Variants in PEX6 observed in about 807,000 individuals in gnomAD.
PEX6 encodes the protein peroxisomal biogenesis factor 6, also known as peroxisome biogenesis factor 6.
Under a neutral mutation model 85.6 loss-of-function variants are expected in PEX6, and 55 were observed. The observed-to-expected ratio is 0.64, with a 90% CI of 0.52 to 0.80. The LOEUF is 0.80. PEX6 is among the 30% of genes least tolerant of loss of function. PEX6 has a pLI of 0.00. For synonymous variants in PEX6, 519 were observed against 549.1 expected (o/e 0.95, Z 0.77); for missense variants, 1,099 against 1,260.3 (o/e 0.87, Z 1.94).
At chr6:42,970,033 C>T (rs1218146614) in intron 3 of PEX6, 46 bp from the exon 4 acceptor site, 2 of 1,457,160 alleles carry the variant, frequency 1.4e-6, no homozygotes, top group Admixed American at 1.7e-5. Flanking sequence ...AGTCCAAAAA[C>T]CCCCCTCCTC....
intron 3 of PEX6, among the ~76,000 whole-genome samples, chr6:42,973,717 G>T (rs914957158): frequency 2.0e-5 from 3 of 152,144 alleles, no homozygotes; most frequent in Admixed American, 6.5e-5. Flanking sequence ...ATAGCTGGGC[G>T]TGGTGATGCG....
rs758416830 is a variant in PEX6 at position 42,979,045 on chromosome 6, G to A, written c.106C>T (p.Leu36=). ...CCTGCAGGCCTCAGGGCCAGCACCA[G>A]GCCCAGCTCCGCCGCCGGCCACGGG... ...GGPWPAAELG[L]VLALRPAGES... is the part of the protein sequence containing the mutation. The change falls in exon 1 of 17, where the codon CTG becomes TTG. Residue 36 remains leucine (L), a synonymous_variant. Coordinates refer to ENST00000304611, the MANE Select transcript of PEX6 (RefSeq NM_000287.4). 4.6e-6 allele frequency: 7 copies of A among 1,534,176 alleles called. No individual in the cohort carries two copies. Among genetic ancestry groups the A allele is most frequent in the Non-Finnish European group, 6.1e-6 (7 of 1,146,894 alleles).
In PEX6 at chr6:42,968,422, C is replaced by G; in HGVS notation, c.1556G>C (p.Arg519Pro). The G allele has an allele frequency of 6.2e-7, 1 of 1,613,044 alleles. No homozygotes were observed. The highest frequency in any genetic ancestry group is 8.5e-7 in the Non-Finnish European group (1 of 1,179,594). The change falls in exon 7 of 17, where the codon CGC (arginine) becomes CCC (proline). Residue 519 changes from arginine (R) to proline (P), a missense_variant. By Grantham distance (103) the Arg-to-Pro change is moderately radical. Around this residue, in one of 3 missense-constraint regions of PEX6, gnomAD observed 514 missense variants for 627.0 expected, o/e 0.82. Coordinates refer to ENST00000304611, the MANE Select transcript of PEX6 (RefSeq NM_000287.4). Reference sequence around the variant, plus strand: ...CAACAGGACTGCAGGCCGGCAACGGCGGGCCCGGGAGAAGATGGCCTGCAG... The same window carrying G: ...CAACAGGACTGCAGGCCGGCAACGGGGGGCCCGGGAGAAGATGGCCTGCAG... The part of the protein sequence containing the change: ...TKLQAIFSRA[R>P]RCRPAVLLLT...
In PEX6 at chr6:42,968,446, A is replaced by G; in HGVS notation, c.1532T>C (p.Leu511Pro). The G allele has an allele frequency of 6.2e-7, 1 of 1,606,396 alleles. No individual in the cohort carries two copies. The highest frequency in any genetic ancestry group is 8.5e-7 in the Non-Finnish European group (1 of 1,176,532). ...GCGGGCCCGGGAGAAGATGGCCTGC[A>G]GTTTTGTCTCCACAGCCCCACTACT... is the stretch of plus-strand genomic sequence containing the variant. ...AESSGAVETK[L>P]QAIFSRARRC... The change falls in exon 7 of 17, where the codon CTG becomes CCG. Residue 511 changes from leucine to proline, a missense_variant. By Grantham distance (98) the Leu-to-Pro change is moderately conservative (BLOSUM62 -3). Transcript: ENST00000304611.
chr6:42,970,618 A>G (rs1770028607), intron 3 of PEX6, among the ~76,000 whole-genome samples: 1 of 152,216 alleles, frequency 6.6e-6, no homozygotes, highest in Non-Finnish European at 1.5e-5. Context: ...TCTTTTTGAG[A>G]TGTTGAAAAT....
At chr6:42,973,930 G>T in intron 3 of PEX6, 73 bp downstream of exon 3, 2 of 991,830 alleles carry the variant, frequency 2.0e-6, no homozygotes, top group Non-Finnish European at 3.2e-6. Context: ...CACATGATTT[G>T]CAGGGAGGGG....
In PEX6 at chr6:42,978,865, C is replaced by A; in HGVS notation, c.286G>T (p.Ala96Ser). The change falls in exon 1 of 17, where the codon GCG (alanine) becomes TCG (serine). Residue 96 changes from alanine (A) to serine (S), a missense_variant. Physicochemically the swap from Ala to Ser is moderately conservative, Grantham distance 99 (BLOSUM62 1). Around this residue, in one of 3 missense-constraint regions of PEX6, gnomAD observed 579 missense variants for 611.6 expected, o/e 0.95. Transcript: ENST00000304611. ...CCTAGCGCCGGGGGCCGCCGCACCGCCCGCGCCCGCACCCAGGCCCCGGAG... is the reference window on the plus strand; with the variant it reads ...CCTAGCGCCGGGGGCCGCCGCACCGACCGCGCCCGCACCCAGGCCCCGGAG... ...LGSGAWVRAR[A>S]VRRPPALGWA... 1 of 1,495,910 alleles carries A rather than the reference C, an allele frequency of 6.7e-7. No individual in the cohort carries two copies. The highest frequency in any genetic ancestry group is 8.8e-7 in the Non-Finnish European group (1 of 1,131,878). The allele number at this position is 1,495,910 out of a possible 1,614,324, so 92.7% of individuals were successfully genotyped here.
chr6:42,964,569 T>A lies in PEX6; in HGVS notation c.2807-98A>T. ...CTCAGGGTCTCCTAGATGTCAATGA[T>A]CTTCCCTCTGGAATCCAGGACTAGG... On this transcript the variant is annotated intron_variant, in intron 16 of 16. Transcript: ENST00000304611. The surrounding 1 kb of genome is among the most constrained non-coding windows in gnomAD (Gnocchi z 4.6). 1 of 1,464,686 alleles carries A rather than the reference T, an allele frequency of 6.8e-7. No homozygotes were observed. Among genetic ancestry groups the A allele is most frequent in the Non-Finnish European group, 9.5e-7 (1 of 1,050,880 alleles). The allele number at this position is 1,464,686 out of a possible 1,614,324, so 90.7% of individuals were successfully genotyped here. A position where few individuals can be genotyped will look rare whatever the true frequency, so the allele number is the denominator to read the frequency against.
intron 1 of PEX6, among the ~76,000 whole-genome samples, chr6:42,977,251 C>CCTTTTTTTTTTTTTTTTTTT (rs34536442): frequency 7.9e-6 from 1 of 126,678 alleles, no homozygotes. Context: ...TGAAACCTCA[C>CCTTTTTTTTTTTTTTTTTTT]TTTTTTTTTT....
rs575675085 is a variant in PEX6, at chr6:42,976,051, A to ATT, written c.883-1015_883-1014dup. On this transcript the variant is annotated intron_variant, in intron 1 of 16. Coordinates refer to ENST00000304611, the MANE Select transcript of PEX6 (RefSeq NM_000287.4). ...CGACAGGCATGTGCCACCACACCTAATTTTTTTTTTTTTTGTATTTTTAGT... is the reference window on the plus strand; with the variant it reads ...CGACAGGCATGTGCCACCACACCTAATTTTTTTTTTTTTTTTGTATTTTTAGT... Among the ~76,000 whole-genome samples the ATT allele has an allele frequency of 6.5e-3, 935 of 143,700 alleles. 9 individuals are homozygous for ATT. The highest frequency in any genetic ancestry group is 0.022 in the African/African-American group (847 of 39,390). 94.3% of individuals were successfully genotyped at this position (143,700 alleles called of 152,430 possible).
intron 1 of PEX6, 107 bp downstream of exon 1, chr6:42,978,162 A>T: frequency 7.4e-7 from 1 of 1,351,324 alleles, no homozygotes; most frequent in Non-Finnish European, 1.1e-6. Flanking sequence ...TTATGTTCAA[A>T]GTCCGGGATG....
At position 42,964,277 on chromosome 6, in the gene PEX6, G is replaced by A. The variant is rs1400577783; in HGVS notation, c.*58C>T. Reference sequence around the variant, plus strand: ...GAGCCCTTCCTTCCCAGATCTCTCTGTGGGCTATCAAGGTACCTGCAGCCA... The same window carrying A: ...GAGCCCTTCCTTCCCAGATCTCTCTATGGGCTATCAAGGTACCTGCAGCCA... On this transcript the variant is annotated 3_prime_UTR_variant, in exon 17 of 17. Coordinates refer to ENST00000304611, the MANE Select transcript of PEX6 (RefSeq NM_000287.4). The surrounding 1 kb of genome is among the most constrained non-coding windows in gnomAD (Gnocchi z 4.6). 76 of 1,602,188 alleles carry A rather than the reference G, an allele frequency of 4.7e-5. No homozygotes were observed. The highest frequency in any genetic ancestry group is 5.9e-5 in the Non-Finnish European group (69 of 1,170,692).
rs1436501366 is a variant in PEX6, at chr6:42,971,110, CT to C, written c.1131-1124del. ...TCCTCTGCTCACACTGCCCCACAGT[CT>C]CAAAGCTGCTCTCTCTAGCAGCAAA... On this transcript the variant is annotated intron_variant, in intron 3 of 16. Coordinates refer to ENST00000304611, the MANE Select transcript of PEX6 (RefSeq NM_000287.4). This position sits in a 1 kb window ranked among gnomAD's most constrained non-coding sequence, Gnocchi z 4.4. 6.6e-6 allele frequency among the ~76,000 whole-genome samples: 1 copy of C among 152,214 alleles called. No homozygotes were observed. Among genetic ancestry groups the C allele is most frequent in the African/African-American group, 2.4e-5 (1 of 41,454 alleles).
Position 42,964,416 on chromosome 6 carries a change from A to C in PEX6, c.2862T>G (p.Ala954=). 2 of 1,613,886 alleles carry C rather than the reference A, an allele frequency of 1.2e-6. No homozygotes were observed. The highest frequency in any genetic ancestry group is 3.3e-5 in the Admixed American group (2 of 60,028). Residue 954 remains alanine, a synonymous_variant, in exon 17 of 17, where the codon GCT becomes GCG. Coordinates refer to ENST00000304611, the MANE Select transcript of PEX6 (RefSeq NM_000287.4). This position sits in a 1 kb window ranked among gnomAD's most constrained non-coding sequence, Gnocchi z 4.6. ...LMLTMEDLLQ[A]AARLQPSVSE... is the part of the protein sequence containing the mutation. ...TGACTGAGGGTTGCAGCCGGGCGGC[A>C]GCCTGCAGCAAGTCCTCCATGGTGA...
At position 42,978,588 on chromosome 6, in the gene PEX6, G is replaced by C. The variant is rs1770413332; in HGVS notation, c.563C>G (p.Ser188Cys). Residue 188 changes from serine (S) to cysteine (C), a missense_variant, in exon 1 of 17, where the codon TCT (serine) becomes TGT (cysteine). Physicochemically the swap from Ser to Cys is moderately radical, Grantham distance 112 (BLOSUM62 -1). Coordinates refer to ENST00000304611, the MANE Select transcript of PEX6 (RefSeq NM_000287.4). Reference protein sequence around the residue: ...PPPVVSSFAVSGTVRRLQGVL... With the variant: ...PPPVVSSFAVCGTVRRLQGVL... ...TCCCTGGAGTCGCCGCACTGTGCCA[G>C]AAACCGCAAAGGAGGACACCACGGG... 2 of 1,611,088 alleles carry C rather than the reference G, an allele frequency of 1.2e-6. No homozygotes were observed. The highest frequency in any genetic ancestry group is 1.1e-5 in the South Asian group (1 of 91,040).
intron 7 of PEX6, 28 bp from the exon 8 acceptor site, chr6:42,967,591 G>A: frequency 6.3e-7 from 1 of 1,575,890 alleles, no homozygotes; most frequent in African/African-American, 1.3e-5. Flanking sequence ...GGCACTGAGG[G>A]TGAGAACATG....
intron 8 of PEX6, 28 bp downstream of exon 8, chr6:42,967,340 A>G: frequency 6.2e-7 from 1 of 1,600,734 alleles, no homozygotes; most frequent in Non-Finnish European, 8.5e-7. Context: ...CCTCCTAGGG[A>G]GGGCCAGTAC....
chr6:42,965,716 C>A lies in PEX6; in HGVS notation c.2436G>T (p.Arg812=), dbSNP rs61732156. 1 of 1,614,138 alleles carries A rather than the reference C, an allele frequency of 6.2e-7. No individual in the cohort carries two copies. Among genetic ancestry groups the A allele is most frequent in the African/African-American group, 1.3e-5 (1 of 75,032 alleles). ...CTCCTCCAGAATCTCCACTTCGCCC[C>A]CGGCTTGGGGCCAAAGAGTCCAGTT... The part of the protein sequence containing the change: ...FDELDSLAPS[R]GRSGDSGGVM... Residue 812 remains arginine (R), a synonymous_variant, in exon 13 of 17, where the codon CGG becomes CGT. Transcript: ENST00000304611. This position sits in a 1 kb window ranked among gnomAD's most constrained non-coding sequence, Gnocchi z 5.0.
chr6:42,973,332 G>A (rs1405326893), intron 3 of PEX6, among the ~76,000 whole-genome samples: 2 of 151,992 alleles, frequency 1.3e-5, no homozygotes, highest in Non-Finnish European at 2.9e-5. Context: ...TTAGTGCTTT[G>A]CTTTACATAG....
Sources: allele counts gnomAD v4.1 joint callset (sites outside exome capture counted in the v4.1 genomes callset), GRCh38; gene constraint gnomAD v4.1.1; regional missense constraint gnomAD v4.1.1; non-coding constraint Gnocchi (gnomAD v3.1); transcripts MANE v1.5; gene names NCBI Gene and HGNC (gene_info 2026-07-23, HGNC 2026-07-21).